The following AVEN variants were observed in gnomAD, a reference collection of about 807,000 sequenced individuals.
AVEN encodes the protein cell death regulator Aven.
In AVEN, 41 loss-of-function variants were observed where a neutral mutation model predicts 38.1. The ratio of observed to expected loss-of-function variants is 1.08; its 90% CI spans 0.84 to 1.40. The LOEUF (loss-of-function observed/expected upper bound fraction) is 1.40. Among genes scored for constraint, AVEN ranks in the 40% most tolerant of loss-of-function variants. The probability of loss-of-function intolerance (pLI) is 0.00; values close to 1 mark genes in which losing one functional copy is unlikely to be tolerated. For synonymous variants in AVEN, 206 were observed against 171.8 expected (o/e 1.20, Z -1.56); for missense variants, 605 against 438.8 (o/e 1.38, Z -3.38).
intron 4 of AVEN, chr15:34,064,367 G>A (rs1900455810): frequency 6.5e-7 from 1 of 1,532,000 alleles, no homozygotes; most frequent in African/African-American, 1.4e-5. Flanking sequence ...AACATCCTCT[G>A]AGGATGAGCA....
At chr15:33,930,451 C>A (rs1167230629) in intron 2 of AVEN, among the ~76,000 whole-genome samples, 1 of 151,872 alleles carries the variant, frequency 6.6e-6, no homozygotes, top group Non-Finnish European at 1.5e-5. Flanking sequence ...AAACATGATA[C>A]AAAAGAATGT....
intron 1 of AVEN, among the ~76,000 whole-genome samples, chr15:34,021,278 T>C (rs1448396890): frequency 1.3e-5 from 2 of 151,764 alleles, no homozygotes; most frequent in Non-Finnish European, 2.9e-5. Context: ...AGCTAAAAAA[T>C]ATTTTCTGTA....
intron 3 of AVEN, among the ~76,000 whole-genome samples, chr15:33,873,978 T>C (rs1199839902): frequency 6.6e-6 from 1 of 152,160 alleles, no homozygotes; most frequent in Non-Finnish European, 1.5e-5. Context: ...TTCCCATTCG[T>C]CCAACATCAC....
chr15:33,981,672 A>T (rs999002530), intron 2 of AVEN, among the ~76,000 whole-genome samples: 12 of 152,206 alleles, frequency 7.9e-5, no homozygotes, highest in African/African-American at 2.9e-4. Context: ...TTCACACTGC[A>T]GTTCCATTAC....
intron 2 of AVEN, among the ~76,000 whole-genome samples, chr15:33,931,894 A>C (rs1022777571): frequency 1.3e-5 from 2 of 152,218 alleles, no homozygotes; most frequent in African/African-American, 4.8e-5. Flanking sequence ...CATCCCCCTG[A>C]TGGAAGAGAG....
intron 1 of AVEN, among the ~76,000 whole-genome samples, chr15:34,034,258 G>A (rs767972632): frequency 2.6e-5 from 4 of 152,058 alleles, no homozygotes; most frequent in Non-Finnish European, 4.4e-5. Context: ...GCCTGGGCAA[G>A]ACAGTGAGAC....
intron 2 of AVEN, among the ~76,000 whole-genome samples, chr15:33,981,879 G>A (rs1427309805): frequency 3.3e-5 from 5 of 152,006 alleles, no homozygotes; most frequent in Non-Finnish European, 5.9e-5. Context: ...CTGTTGCCCA[G>A]GCTGGAGTGC....
the AVEN span, chr15:33,852,013 A>C: frequency 6.6e-6 from 1 of 152,072 alleles, no homozygotes; most frequent in Non-Finnish European, 1.5e-5. Flanking sequence ...AAACCAAAAA[A>C]AAAAAACATT....
chr15:33,903,375 T>C lies in AVEN; in HGVS notation c.446-27380A>G, dbSNP rs74006768. Among the ~76,000 whole-genome samples the C allele has an allele frequency of 3.7e-3, 564 of 152,324 alleles. 3 individuals carry two copies. The highest frequency in any genetic ancestry group is 0.013 in the African/African-American group (547 of 41,590). On this transcript the variant is annotated intron_variant, in intron 2 of 5. Transcript: ENST00000306730. ...GTCAGCTCTGCAATGTGAGGCCCTA[T>C]ACTAGCCTTCCTTCTAGTTTTTGAA...
At chr15:33,916,059 C>G (rs1316129716) in intron 2 of AVEN, among the ~76,000 whole-genome samples, 1 of 152,176 alleles carries the variant, frequency 6.6e-6, no homozygotes, top group Non-Finnish European at 1.5e-5. Context: ...ACGCCCAACC[C>G]TGCTCCCATC....
chr15:33,994,551 C>T (rs1896857855), intron 2 of AVEN, among the ~76,000 whole-genome samples: 1 of 152,172 alleles, frequency 6.6e-6, no homozygotes, highest in Non-Finnish European at 1.5e-5. Context: ...AAAACCGGTC[C>T]CTGGTGCCAA....
In AVEN at chr15:33,875,998, A is replaced by G; in HGVS notation, c.446-3T>C. 1.9e-6 allele frequency: 3 copies of G among 1,606,150 alleles called. No homozygotes were observed. The highest frequency in any genetic ancestry group is 1.7e-6 in the Non-Finnish European group (2 of 1,178,472). ...CCGGAACTGTGAGAATGAGTCCCCTAGGAATAGGAAAAAAAAAAAAATTTA... is the reference window on the plus strand; with the variant it reads ...CCGGAACTGTGAGAATGAGTCCCCTGGGAATAGGAAAAAAAAAAAAATTTA... On this transcript the variant is annotated splice_polypyrimidine_tract_variant and splice_region_variant and intron_variant, in intron 2 of 5. Transcript: ENST00000306730.
At chr15:33,946,323 C>T (rs747012605) in intron 2 of AVEN, among the ~76,000 whole-genome samples, 62 of 152,124 alleles carry the variant, frequency 4.1e-4, no homozygotes, top group Admixed American at 6.6e-4. Context: ...AGAGGTAGGG[C>T]TGAAAAATCT....
At chr15:34,025,281 C>T (rs1567474654) in intron 1 of AVEN, among the ~76,000 whole-genome samples, 1 of 152,082 alleles carries the variant, frequency 6.6e-6, no homozygotes, top group Non-Finnish European at 1.5e-5. Context: ...ACTATAGAAA[C>T]CAACTCTGGC....
At chr15:34,056,667 G>T (rs1475487515) in intron 5 of AVEN, among the ~76,000 whole-genome samples, 3 of 152,132 alleles carry the variant, frequency 2.0e-5, no homozygotes. Context: ...TCTCCTCAAG[G>T]TTGTTCTGCT....
intron 2 of AVEN, among the ~76,000 whole-genome samples, chr15:33,911,714 A>G (rs1450868790): frequency 6.6e-6 from 1 of 152,234 alleles, no homozygotes; most frequent in East Asian, 1.9e-4. Context: ...TTTAAGCATT[A>G]AAAAGTCATT....
rs1381411256 is a variant in AVEN, at chr15:34,073,986, C to CTTTTTTTTTTT, written n.720+449_720+450insAAAAAAAAAAA. ...TGGAGGAACTTTCTTTTTTCTTCTT[C>CTTTTTTTTTTT]TTCTTTTTTTTTTTTTTTTTTTTTT... On this transcript the variant is annotated intron_variant and non_coding_transcript_variant, in intron 1 of 11. Coordinates refer to the AVEN transcript ENST00000675287. Among the ~76,000 whole-genome samples the CTTTTTTTTTTT allele has an allele frequency of 8.2e-4, 92 of 112,188 alleles. 26 individuals carry two copies. The highest frequency in any genetic ancestry group is 3.5e-3 in the African/African-American group (85 of 24,270). The allele number at this position is 112,188 out of a possible 152,430, so 73.6% of individuals were successfully genotyped here. A position where few individuals can be genotyped will look rare whatever the true frequency, so the allele number is the denominator to read the frequency against.
chr15:33,909,335 CA>C (rs1892832817), intron 2 of AVEN, among the ~76,000 whole-genome samples: 1 of 152,060 alleles, frequency 6.6e-6, no homozygotes, highest in African/African-American at 2.4e-5. Flanking sequence ...AAAAAACAAA[CA>C]AACAAAAAAA....
chr15:33,933,223 TAGATAA>T (rs959939164), intron 2 of AVEN, among the ~76,000 whole-genome samples: 1 of 152,090 alleles, frequency 6.6e-6, no homozygotes, highest in African/African-American at 2.4e-5. Flanking sequence ...TCTGTGTCGT[TAGATAA>T]GAGTGGAATA....
Sources: allele counts gnomAD v4.1 joint callset (sites outside exome capture counted in the v4.1 genomes callset), GRCh38; gene constraint gnomAD v4.1.1; transcripts MANE v1.5; gene names NCBI Gene and HGNC (gene_info 2026-07-23, HGNC 2026-07-21).